ZNF831: variants seen among roughly 807,000 people sequenced by gnomAD.
ZNF831 encodes chromosome 20 open reading frame 174.
ZNF831 carries 59 observed loss-of-function variants against 95.8 expected under a neutral mutation model. The ratio of observed to expected loss-of-function variants is 0.62; its 90% confidence interval spans 0.50 to 0.77. The LOEUF is 0.77. Ranked by LOEUF, ZNF831 falls within the 30% of genes least tolerant of loss-of-function variation. The probability of loss-of-function intolerance (pLI) is 0.00; values close to 1 mark genes in which losing one functional copy is unlikely to be tolerated. For missense variants in ZNF831, 2,205 were observed against 2,164.0 expected (o/e 1.02, Z -0.38); for synonymous variants, 961 against 925.5 (o/e 1.04, Z -0.70).
intron 1 of ZNF831, among the ~76,000 whole-genome samples, chr20:59,137,830 C>T (rs1979558477): frequency 6.6e-6 from 1 of 152,222 alleles, no homozygotes; most frequent in African/African-American, 2.4e-5. Context: ...GTGTCACATC[C>T]TAAGCCCTTC....
chr20:59,170,284 T>A (rs1238911549), intron 1 of ZNF831, among the ~76,000 whole-genome samples: 2 of 152,162 alleles, frequency 1.3e-5, no homozygotes, highest in Non-Finnish European at 2.9e-5. Flanking sequence ...TGCTATAAAT[T>A]TCCCTCCCAG....
At chr20:59,213,307 C>T (rs922173553) in intron 4 of ZNF831, among the ~76,000 whole-genome samples, 4 of 152,090 alleles carry the variant, frequency 2.6e-5, no homozygotes, top group East Asian at 1.9e-4. Context: ...TTTATTTTAT[C>T]GTTGTGGGCA....
intron 3 of ZNF831, among the ~76,000 whole-genome samples, chr20:59,199,438 T>C (rs260003): frequency 0.11 from 17,078 of 152,126 alleles, 2,025 homozygotes; most frequent in African/African-American, 0.3. Context: ...TATAATATTG[T>C]TTGGTGTCTT....
intron 2 of ZNF831, among the ~76,000 whole-genome samples, chr20:59,152,854 G>A (rs1335941186): frequency 6.6e-6 from 1 of 152,148 alleles, no homozygotes; most frequent in Non-Finnish European, 1.5e-5. Context: ...TGAGGAAGTG[G>A]GCAGAGGCTG....
chr20:59,127,378 G>A (rs555094719), intron 1 of ZNF831, among the ~76,000 whole-genome samples: 7 of 152,128 alleles, frequency 4.6e-5, no homozygotes, highest in Non-Finnish European at 1.0e-4. Flanking sequence ...CCTCAGTCAG[G>A]TCATGCTGCT....
intron 1 of ZNF831, among the ~76,000 whole-genome samples, chr20:59,131,104 G>A (rs1979339561): frequency 6.6e-6 from 1 of 152,164 alleles, no homozygotes; most frequent in Non-Finnish European, 1.5e-5. Flanking sequence ...CAAGGTTGAA[G>A]GAAATGCTAG....
chr20:59,128,484 C>G (rs1290783293), intron 1 of ZNF831, among the ~76,000 whole-genome samples: 2 of 152,172 alleles, frequency 1.3e-5, no homozygotes, highest in Non-Finnish European at 2.9e-5. Flanking sequence ...CCACAGGAGA[C>G]CTGGGGGACA....
At position 59,253,949 on chromosome 20, in the gene ZNF831, G is replaced by C. The variant is rs767282173; in HGVS notation, c.4240G>C (p.Ala1414Pro). Residue 1414 changes from alanine (A) to proline (P), a missense_variant, in exon 6 of 6, where the codon GCT becomes CCT. Coordinates refer to ENST00000371030, the MANE Select transcript of ZNF831 (RefSeq NM_178457.3). ...TGGTGACTGTACTACTCACAGCACT[G>C]CTGCCACATCAGGATTATCTCTGCA... ...EHGDCTTHST[A>P]ATSGLSLQSD... 5 of 1,600,062 alleles carry C rather than the reference G, an allele frequency of 3.1e-6. No individual in the cohort carries two copies. The highest frequency in any genetic ancestry group is 4.3e-6 in the Non-Finnish European group (5 of 1,175,986).
At chr20:59,229,493 G>T (rs1038655089) in intron 4 of ZNF831, among the ~76,000 whole-genome samples, 1 of 152,196 alleles carries the variant, frequency 6.6e-6, no homozygotes, top group Non-Finnish European at 1.5e-5. Context: ...ATTGCATAGG[G>T]CATGAATACG....
Position 59,192,019 on chromosome 20 carries a change from G to A in ZNF831, c.1000G>A (p.Gly334Ser), listed in dbSNP as rs899923006. 6.2e-6 allele frequency: 10 copies of A among 1,608,512 alleles called. No homozygotes were observed. The highest frequency in any genetic ancestry group is 2.2e-5 in the East Asian group (1 of 44,756). The change falls in exon 2 of 6, where the codon GGC becomes AGC. Residue 334 changes from glycine (G) to serine (S), a missense_variant. Transcript: ENST00000371030. This position sits in a 1 kb window ranked among gnomAD's most constrained non-coding sequence, Gnocchi z 5.2. Reference sequence around the variant, plus strand: ...GCCCTGGGATGCCAAGGCCCCCGAGGGCCGGCTGCGGAAGTGTGAGAGCAC... The same window carrying A: ...GCCCTGGGATGCCAAGGCCCCCGAGAGCCGGCTGCGGAAGTGTGAGAGCAC... ...EKPWDAKAPE[G>S]RLRKCESTDS...
At chr20:59,186,889 C>G (rs369108662) in intron 1 of ZNF831, among the ~76,000 whole-genome samples, 1 of 151,722 alleles carries the variant, frequency 6.6e-6, no homozygotes, top group Non-Finnish European at 1.5e-5. Context: ...TCTTCTGGGT[C>G]CTCCCTTCTG....
chr20:59,188,819 C>A (rs1389291009), intron 1 of ZNF831, among the ~76,000 whole-genome samples: 1 of 152,096 alleles, frequency 6.6e-6, no homozygotes, highest in African/African-American at 2.4e-5. Flanking sequence ...CTTTGATGAA[C>A]CAAAGTTTTA....
At chr20:59,234,707 A>G (rs746687516) in intron 4 of ZNF831, among the ~76,000 whole-genome samples, 1 of 152,192 alleles carries the variant, frequency 6.6e-6, no homozygotes, top group Non-Finnish European at 1.5e-5. Context: ...CTTCCCCAAG[A>G]GAAAGGAGTT....
At chr20:59,207,206 A>G in intron 4 of ZNF831, 150 bp downstream of exon 4, 1 of 936,428 alleles carries the variant, frequency 1.1e-6, no homozygotes. Flanking sequence ...CATGACGTCT[A>G]TGAGACAATC....
chr20:59,243,218 AT>A (rs1002590687), intron 4 of ZNF831, among the ~76,000 whole-genome samples: 2 of 152,004 alleles, frequency 1.3e-5, no homozygotes, highest in Non-Finnish European at 2.9e-5. Context: ...TTTTAACTGG[AT>A]TTTTTTCCCC....
intron 4 of ZNF831, among the ~76,000 whole-genome samples, chr20:59,216,941 G>A (rs1601410850): frequency 6.8e-6 from 1 of 146,486 alleles, no homozygotes; most frequent in Non-Finnish European, 1.5e-5. Context: ...GGGCACTTTT[G>A]TTCTTAAAAA....
In ZNF831 at chr20:59,194,535, C is replaced by T. The variant is rs371679140; in HGVS notation, c.3516C>T (p.Asn1172=). The T allele has an allele frequency of 1.9e-5, 31 of 1,606,244 alleles. No individual in the cohort carries two copies. The highest frequency in any genetic ancestry group is 2.5e-5 in the Non-Finnish European group (29 of 1,176,146). ...CCCGCAGTCCCCACAGCACCCAAAA[C>T]CCCTTTCCCTCACTGAAGGCTGAGC... The part of the protein sequence containing the change: ...HSTRSPHSTQ[N]PFPSLKAEPR... Residue 1172 remains asparagine (N), a synonymous_variant, in exon 2 of 6, where the codon AAC becomes AAT. Coordinates refer to ENST00000371030, the MANE Select transcript of ZNF831 (RefSeq NM_178457.3).
At chr20:59,201,492 A>G (rs1263540162) in intron 3 of ZNF831, among the ~76,000 whole-genome samples, 1 of 152,100 alleles carries the variant, frequency 6.6e-6, no homozygotes, top group Non-Finnish European at 1.5e-5. Flanking sequence ...ATGATATTTA[A>G]TTTACCTTTT....
chr20:59,214,986 G>T (rs1985584308), intron 4 of ZNF831, among the ~76,000 whole-genome samples: 1 of 152,080 alleles, frequency 6.6e-6, no homozygotes. Flanking sequence ...GATTTTCCCT[G>T]TTTTTATATT....
Sources: allele counts gnomAD v4.1 joint callset (sites outside exome capture counted in the v4.1 genomes callset), GRCh38; gene constraint gnomAD v4.1.1; non-coding constraint Gnocchi (gnomAD v3.1); transcripts MANE v1.5; gene names NCBI Gene and HGNC (gene_info 2026-07-23, HGNC 2026-07-21).